HLCS: variants seen among roughly 807,000 people sequenced by gnomAD.
HLCS encodes the protein biotin--protein ligase.
HLCS carries 53 observed loss-of-function variants against 75.0 expected under a neutral mutation model. That is an observed-to-expected ratio of 0.71 (90% confidence interval 0.57 to 0.89). HLCS has a LOEUF of 0.89. Ranked by LOEUF, HLCS falls within the 40% of genes least tolerant of loss-of-function variation. The pLI, the probability that HLCS is intolerant of heterozygous loss-of-function variation, is 0.00. For synonymous variants in HLCS, 431 were observed against 428.6 expected (o/e 1.01, Z -0.07); for missense variants, 966 against 1,074.0 (o/e 0.90, Z 1.41).
chr21:36,967,468 GA>G (rs2068656638), upstream of HLCS, among the ~76,000 whole-genome samples: 1 of 152,174 alleles, frequency 6.6e-6, no homozygotes, highest in African/African-American at 2.4e-5. Context: ...ACACCAGTGG[GA>G]AAAGGAAAAC....
chr21:36,961,740 G>A (rs985441481), intron 2 of HLCS, among the ~76,000 whole-genome samples: 1 of 152,052 alleles, frequency 6.6e-6, no homozygotes, highest in South Asian at 2.1e-4. Context: ...GATCACTTGA[G>A]GTCAGGAGTT....
chr21:36,975,929 A>C (rs1473101047), intron 1 of HLCS, among the ~76,000 whole-genome samples: 1 of 152,200 alleles, frequency 6.6e-6, no homozygotes, highest in African/African-American at 2.4e-5. Context: ...CTGCATGGTG[A>C]CCATTATTGT....
intron 6 of HLCS, among the ~76,000 whole-genome samples, chr21:36,781,068 C>T (rs551361146): frequency 6.6e-6 from 1 of 151,886 alleles, no homozygotes; most frequent in South Asian, 2.1e-4. Context: ...CACTTCCTGT[C>T]AGATCAGCGG....
intron 5 of HLCS, among the ~76,000 whole-genome samples, chr21:36,913,722 C>T (rs2065816157): frequency 6.6e-6 from 1 of 151,982 alleles, no homozygotes; most frequent in Admixed American, 6.6e-5. Context: ...GATGGTGGGC[C>T]ACTGCAACAC....
intron 5 of HLCS, among the ~76,000 whole-genome samples, chr21:36,921,595 T>G (rs571257043): frequency 6.6e-6 from 1 of 152,236 alleles, no homozygotes; most frequent in Non-Finnish European, 1.5e-5. Flanking sequence ...CTGACAATGG[T>G]CCTATGATAC....
intron 7 of HLCS, among the ~76,000 whole-genome samples, chr21:36,766,377 GT>G (rs1392147297): frequency 6.6e-6 from 1 of 151,518 alleles, no homozygotes. Context: ...GAGAGGTAGA[GT>G]TCATCAAAGT....
In HLCS at chr21:36,898,645, G is replaced by T. The variant is rs565403421; in HGVS notation, c.1621-1514C>A. On this transcript the variant is annotated intron_variant, in intron 5 of 10. Transcript: ENST00000674895. ...AAAGACATAATGAAACACAATGGGTGGTTCTTTATTGGATCCCAACTTGAA... is the reference window on the plus strand; with the variant it reads ...AAAGACATAATGAAACACAATGGGTTGTTCTTTATTGGATCCCAACTTGAA... Among the ~76,000 whole-genome samples the T allele has an allele frequency of 6.6e-5, 10 of 152,008 alleles. No individual in the cohort carries two copies. The South Asian group carries it at 2.1e-3, about 32-fold the overall frequency.
intron 6 of HLCS, among the ~76,000 whole-genome samples, chr21:36,782,063 TGTTA>T (rs2060551715): frequency 6.6e-6 from 1 of 152,206 alleles, no homozygotes; most frequent in Non-Finnish European, 1.5e-5. Context: ...TGTTAGATTC[TGTTA>T]GTTAATATTT....
At chr21:36,846,349 A>G (rs1388081068) in intron 6 of HLCS, among the ~76,000 whole-genome samples, 2 of 152,214 alleles carry the variant, frequency 1.3e-5, no homozygotes, top group African/African-American at 4.8e-5. Context: ...CCTATACATT[A>G]GGCACTCAAT....
intron 2 of HLCS, among the ~76,000 whole-genome samples, chr21:36,958,804 G>T (rs1351547709): frequency 6.6e-6 from 1 of 151,722 alleles, no homozygotes; most frequent in African/African-American, 2.4e-5. Flanking sequence ...AAAAAAGAAA[G>T]AAAACTTTGT....
At chr21:36,778,292 T>C (rs1411898847) in intron 6 of HLCS, among the ~76,000 whole-genome samples, 1 of 151,182 alleles carries the variant, frequency 6.6e-6, no homozygotes, top group East Asian at 1.9e-4. Flanking sequence ...ATTATTATTA[T>C]TTTTTGAGAC....
At chr21:36,850,114 A>G (rs2062938484) in intron 6 of HLCS, among the ~76,000 whole-genome samples, 1 of 152,208 alleles carries the variant, frequency 6.6e-6, no homozygotes, top group Non-Finnish European at 1.5e-5. Flanking sequence ...ACTTTTGGAT[A>G]TTACTTTTCA....
intron 5 of HLCS, among the ~76,000 whole-genome samples, chr21:36,906,581 A>G (rs2146376759): frequency 6.6e-6 from 1 of 152,148 alleles, no homozygotes; most frequent in East Asian, 1.9e-4. Context: ...GAAAAGATAC[A>G]CCATGTTCAT....
At chr21:36,790,715 G>A (rs2060836199) in intron 6 of HLCS, among the ~76,000 whole-genome samples, 2 of 152,194 alleles carry the variant, frequency 1.3e-5, no homozygotes, top group Admixed American at 6.5e-5. Context: ...GGGCTGTGAA[G>A]GCTCAGACAG....
chr21:36,764,468 C>A (rs894851411), intron 8 of HLCS, among the ~76,000 whole-genome samples: 20 of 151,910 alleles, frequency 1.3e-4, no homozygotes, highest in African/African-American at 4.8e-4. Context: ...CTTTGGGAAG[C>A]TGAAGCAGGC....
intron 6 of HLCS, among the ~76,000 whole-genome samples, chr21:36,861,704 C>T (rs1461859952): frequency 6.6e-6 from 1 of 152,222 alleles, no homozygotes; most frequent in African/African-American, 2.4e-5. Flanking sequence ...GTACCTCCCT[C>T]TTACATCACT....
intron 6 of HLCS, among the ~76,000 whole-genome samples, chr21:36,783,864 C>G (rs968525830): frequency 1.3e-5 from 2 of 152,172 alleles, no homozygotes; most frequent in Non-Finnish European, 2.9e-5. Flanking sequence ...CACACACACA[C>G]TTGATTGCCA....
At chr21:36,918,194 C>T (rs1318238823) in intron 5 of HLCS, among the ~76,000 whole-genome samples, 3 of 152,128 alleles carry the variant, frequency 2.0e-5, no homozygotes, top group African/African-American at 7.2e-5. Flanking sequence ...GTACTGAGTG[C>T]CGGAAATTCT....
At chr21:36,796,947 A>T (rs2061043953) in intron 6 of HLCS, among the ~76,000 whole-genome samples, 1 of 151,326 alleles carries the variant, frequency 6.6e-6, no homozygotes, top group Non-Finnish European at 1.5e-5. Context: ...GCTCACTGCA[A>T]CCTCCACCTC....
Sources: allele counts gnomAD v4.1 joint callset (sites outside exome capture counted in the v4.1 genomes callset), GRCh38; gene constraint gnomAD v4.1.1; transcripts MANE v1.5; gene names NCBI Gene and HGNC (gene_info 2026-07-23, HGNC 2026-07-21).